The following TRPC5OS variants were observed in gnomAD, a reference collection of about 807,000 sequenced individuals.
TRPC5OS encodes the protein TRPC5 opposite strand.
For missense variants in TRPC5OS, 64 were observed against 79.3 expected (o/e 0.81, Z 0.73); for synonymous variants, 30 against 29.3 (o/e 1.02, Z -0.08).
At chrX:111,878,257 A>C (rs1389967029) in intron 1 of TRPC5OS, among the ~76,000 whole-genome samples, 1 of 110,835 alleles carries the variant, frequency 9.0e-6, no homozygotes, top group Non-Finnish European at 1.9e-5. Flanking sequence ...ATAAAATAAA[A>C]TTTAAAAATG....
In TRPC5OS at chrX:111,902,181, A is replaced by G; in HGVS notation, c.332A>G (p.Asp111Gly). 3 of 1,102,233 alleles carry G rather than the reference A, an allele frequency of 2.7e-6. No homozygotes were observed. In the South Asian group the frequency reaches 6.7e-5, roughly 25 times the overall value. 90.8% of individuals were successfully genotyped at this position (1,102,233 alleles called of 1,213,427 possible). A position where few individuals can be genotyped will look rare whatever the true frequency, so the allele number is the denominator to read the frequency against. ...VSGINDDLTG[D>G] ...GGTATAAATGATGACTTAACAGGTG[A>G]CTAAGACCCAATTTCTGCCCCCGTC... Residue 111 changes from aspartate (D) to glycine (G), a missense_variant, in exon 4 of 4, where the codon GAC becomes GGC. Asp to Gly is a moderately conservative substitution (Grantham distance 94). Coordinates refer to ENST00000635763, the MANE Select transcript of TRPC5OS (RefSeq NM_001195578.2).
chrX:111,888,693 CAAAA>C (rs753735549), intron 1 of TRPC5OS, among the ~76,000 whole-genome samples: 2 of 10,975 alleles, frequency 1.8e-4, no homozygotes, highest in East Asian at 3.6e-3. Flanking sequence ...GACTCTATCT[CAAAA>C]AAAAAAAAAA....
intron 1 of TRPC5OS, among the ~76,000 whole-genome samples, chrX:111,889,038 G>T (rs1209622909): frequency 1.8e-5 from 2 of 112,212 alleles, no homozygotes; most frequent in Admixed American, 1.9e-4. Context: ...AGGAATCAAT[G>T]TAATGAAAGT....
Position 111,902,307 on chromosome X carries a change from C to T in TRPC5OS, c.*122C>T. Reference sequence around the variant, plus strand: ...CTCATAGTTCTGCACATTTTCATTACTAATAACCCATATAACAAGTGAGAT... The same window carrying T: ...CTCATAGTTCTGCACATTTTCATTATTAATAACCCATATAACAAGTGAGAT... On this transcript the variant is annotated 3_prime_UTR_variant, in exon 4 of 4. Transcript: ENST00000635763. 2.2e-6 allele frequency: 1 copy of T among 447,638 alleles called. No individual in the cohort carries two copies. Among genetic ancestry groups the T allele is most frequent in the Non-Finnish European group, 3.6e-6 (1 of 281,234 alleles). 36.9% of individuals were successfully genotyped at this position (447,638 alleles called of 1,213,427 possible).
At position 111,888,288 on chromosome X, in the gene TRPC5OS, A is replaced by G. The variant is rs141408988; in HGVS notation, c.-545-7663A>G. Among the ~76,000 whole-genome samples, 940 of 110,837 alleles carry G rather than the reference A, an allele frequency of 8.5e-3. 16 individuals carry two copies. Among genetic ancestry groups the G allele is most frequent in the African/African-American group, 0.029 (886 of 30,402 alleles). On this transcript the variant is annotated intron_variant, in intron 1 of 3. Coordinates refer to ENST00000635763, the MANE Select transcript of TRPC5OS (RefSeq NM_001195578.2). ...AAACCACTATAAGGATTTGGGTTTT[A>G]TGCTAAAGGAAATGCAGTTATCAGA...
intron 1 of TRPC5OS, among the ~76,000 whole-genome samples, chrX:111,881,076 T>C (rs1162013627): frequency 1.8e-5 from 2 of 112,289 alleles, no homozygotes; most frequent in African/African-American, 6.5e-5. Flanking sequence ...AACCTGTAGA[T>C]TCACCTCCTG....
At chrX:111,888,722 A>AAG (rs1924655940) in intron 1 of TRPC5OS, among the ~76,000 whole-genome samples, 2 of 98,410 alleles carry the variant, frequency 2.0e-5, no homozygotes, top group African/African-American at 8.7e-5. Context: ...AAAAAAAAGA[A>AAG]AGAAAAGAAA....
intron 1 of TRPC5OS, among the ~76,000 whole-genome samples, chrX:111,887,316 C>A (rs1924554183): frequency 8.9e-6 from 1 of 112,033 alleles, no homozygotes; most frequent in South Asian, 3.7e-4. Context: ...GAGAGAGTGC[C>A]ATTTGGGAAT....
At chrX:111,888,693 CAAAAAAAAAA>C (rs753735549) in intron 1 of TRPC5OS, among the ~76,000 whole-genome samples, 3 of 10,985 alleles carry the variant, frequency 2.7e-4, no homozygotes, top group African/African-American at 4.4e-4. Flanking sequence ...GACTCTATCT[CAAAAAAAAAA>C]AAAAAAAAAA....
At chrX:111,887,668 A>G (rs1299454648) in intron 1 of TRPC5OS, among the ~76,000 whole-genome samples, 1 of 112,433 alleles carries the variant, frequency 8.9e-6, no homozygotes, top group Non-Finnish European at 1.9e-5. Context: ...TACCCACCTC[A>G]TATAGTAATT....
At chrX:111,888,182 G>A (rs1254492468) in intron 1 of TRPC5OS, among the ~76,000 whole-genome samples, 2 of 111,603 alleles carry the variant, frequency 1.8e-5, no homozygotes, top group Admixed American at 9.6e-5. Context: ...TTTGAGGAAT[G>A]ACAGACCAGA....
intron 1 of TRPC5OS, among the ~76,000 whole-genome samples, chrX:111,886,663 C>A (rs969412942): frequency 9.0e-5 from 10 of 111,541 alleles, no homozygotes; most frequent in African/African-American, 3.3e-4. Flanking sequence ...TCTGGATATA[C>A]CCCTGGTATA....
chrX:111,879,352 G>A (rs1924097069), intron 1 of TRPC5OS, among the ~76,000 whole-genome samples: 1 of 112,229 alleles, frequency 8.9e-6, no homozygotes, highest in Admixed American at 9.4e-5. Flanking sequence ...TCCCAATGGG[G>A]CCTGTGGTCC....
At chrX:111,898,314 T>A (rs1259534313) in intron 3 of TRPC5OS, among the ~76,000 whole-genome samples, 1 of 106,051 alleles carries the variant, frequency 9.4e-6, no homozygotes, top group Non-Finnish European at 1.9e-5. Flanking sequence ...CACACATATA[T>A]CTGACAATGA....
intron 1 of TRPC5OS, among the ~76,000 whole-genome samples, chrX:111,881,194 T>TA (rs1264870350): frequency 1.8e-5 from 2 of 109,863 alleles, no homozygotes; most frequent in East Asian, 2.8e-4. Flanking sequence ...TATTTTATTT[T>TA]TGAGACAGAA....
chrX:111,877,335 G>A (rs1249793228), intron 1 of TRPC5OS, among the ~76,000 whole-genome samples: 1 of 111,975 alleles, frequency 8.9e-6, no homozygotes, highest in African/African-American at 3.3e-5. Flanking sequence ...AAATGATGGA[G>A]AGGAATTAGG....
At chrX:111,898,351 A>T (rs1336587990) in intron 3 of TRPC5OS, among the ~76,000 whole-genome samples, 2 of 106,474 alleles carry the variant, frequency 1.9e-5, no homozygotes, top group Non-Finnish European at 3.9e-5. Flanking sequence ...TTGAAAGTTC[A>T]TTGTCAGATA....
intron 1 of TRPC5OS, among the ~76,000 whole-genome samples, chrX:111,877,499 A>C (rs12688427): frequency 4.5e-5 from 5 of 110,711 alleles, no homozygotes; most frequent in Non-Finnish European, 9.4e-5. Context: ...CAAGTTTAGG[A>C]TATGTTGGAT....
rs1925458166 is a variant in TRPC5OS at position 111,903,436 on chromosome X, T to C, written c.*1251T>C. On this transcript the variant is annotated 3_prime_UTR_variant, in exon 4 of 4. Transcript: ENST00000635763. ...TGGAGTTAGTTTCTAAACAGGTTTA[T>C]GAACAAAGCCCTGTTTTTGTCTTCT... 8.9e-6 allele frequency: 1 copy of C among 112,453 alleles called. No individual in the cohort carries two copies. Among genetic ancestry groups the C allele is most frequent in the African/African-American group, 3.2e-5 (1 of 31,017 alleles). 9.3% of individuals were successfully genotyped at this position (112,453 alleles called of 1,213,427 possible). A position where few individuals can be genotyped will look rare whatever the true frequency, so the allele number is the denominator to read the frequency against.
Sources: gnomAD v4.1 joint callset for allele counts (sites outside exome capture counted in the v4.1 genomes callset) on GRCh38, gnomAD v4.1.1 for gene constraint, MANE v1.5 for transcripts, NCBI Gene and HGNC (gene_info 2026-07-23, HGNC 2026-07-21) for gene names.